The following TBC1D5 variants were observed in gnomAD, a reference collection of about 807,000 sequenced individuals.
TBC1D5 encodes the protein TBC1 domain family member 5, also known as TBC1 domain family, member 5.
Under a neutral mutation model 100.3 loss-of-function variants are expected in TBC1D5, and 75 were observed. The observed-to-expected ratio is 0.75, with a 90% CI of 0.62 to 0.91. The LOEUF (loss-of-function observed/expected upper bound fraction) is 0.91, where lower values mean the gene tolerates loss of function less well. Among genes scored for constraint, TBC1D5 ranks in the 40% least tolerant of loss-of-function variants. The pLI, the probability that TBC1D5 is intolerant of heterozygous loss-of-function variation, is 0.00. For synonymous variants in TBC1D5, 323 were observed against 325.6 expected (o/e 0.99, Z 0.09); for missense variants, 910 against 942.4 (o/e 0.97, Z 0.45).
intron 2 of TBC1D5, among the ~76,000 whole-genome samples, chr3:17,548,458 A>G (rs1040085331): frequency 1.3e-5 from 2 of 152,214 alleles, no homozygotes; most frequent in African/African-American, 4.8e-5. Context: ...TTTGTATTAT[A>G]AAAGGAAAAA....
chr3:17,693,669 G>C (rs1258131224), intron 1 of TBC1D5, among the ~76,000 whole-genome samples: 2 of 152,236 alleles, frequency 1.3e-5, no homozygotes, highest in Non-Finnish European at 2.9e-5. Context: ...CTGGACAAAA[G>C]GCAGCAGACA....
chr3:17,504,464 T>A (rs1576402065), intron 3 of TBC1D5, among the ~76,000 whole-genome samples: 4 of 151,484 alleles, frequency 2.6e-5, no homozygotes, highest in Admixed American at 2.0e-4. Context: ...AAATAAAAAT[T>A]AAAAAAAAGG....
intron 15 of TBC1D5, among the ~76,000 whole-genome samples, chr3:17,281,683 A>G (rs1217747409): frequency 6.6e-6 from 1 of 152,250 alleles, no homozygotes; most frequent in Non-Finnish European, 1.5e-5. Context: ...GAGAGGGGAC[A>G]GATAAAATGT....
At chr3:17,209,101 T>G (rs1458297027) in intron 18 of TBC1D5, among the ~76,000 whole-genome samples, 6 of 152,196 alleles carry the variant, frequency 3.9e-5, no homozygotes, top group Non-Finnish European at 8.8e-5. Context: ...TTTTAAATTC[T>G]TTTACCCATT....
intron 17 of TBC1D5, among the ~76,000 whole-genome samples, chr3:17,217,747 C>T (rs898129917): frequency 6.6e-6 from 1 of 152,036 alleles, no homozygotes; most frequent in Admixed American, 6.6e-5. Flanking sequence ...AAGTGCTCTT[C>T]ATATGTTCTG....
intron 4 of TBC1D5, among the ~76,000 whole-genome samples, chr3:17,425,301 A>C (rs1462287896): frequency 6.6e-6 from 1 of 152,228 alleles, no homozygotes; most frequent in Non-Finnish European, 1.5e-5. Flanking sequence ...TGGAATCAGG[A>C]TCTGAACCAG....
At chr3:17,448,808 T>A (rs958524448) in intron 3 of TBC1D5, among the ~76,000 whole-genome samples, 1 of 152,060 alleles carries the variant, frequency 6.6e-6, no homozygotes, top group Non-Finnish European at 1.5e-5. Flanking sequence ...GGCCCTAGGA[T>A]CCTCAAAATT....
At chr3:17,281,005 C>A (rs1209413190) in intron 15 of TBC1D5, among the ~76,000 whole-genome samples, 1 of 152,210 alleles carries the variant, frequency 6.6e-6, no homozygotes, top group Non-Finnish European at 1.5e-5. Context: ...TGCTCCCTCC[C>A]GCAAGGGGTT....
At chr3:17,702,124 G>T (rs1158189172) in intron 1 of TBC1D5, 2 of 152,048 alleles carry the variant, frequency 1.3e-5, no homozygotes, top group Non-Finnish European at 2.9e-5. Context: ...AAACAAACAG[G>T]ATTCCAATTT....
At chr3:17,651,964 G>A (rs1331054529) in intron 1 of TBC1D5, among the ~76,000 whole-genome samples, 1 of 152,080 alleles carries the variant, frequency 6.6e-6, no homozygotes, top group Non-Finnish European at 1.5e-5. Flanking sequence ...CAGAGCTTCT[G>A]ACCACATAAG....
chr3:17,374,129 T>C (rs2092599776), intron 12 of TBC1D5, among the ~76,000 whole-genome samples: 1 of 152,078 alleles, frequency 6.6e-6, no homozygotes, highest in African/African-American at 2.4e-5. Context: ...ACAACCTATT[T>C]GACACAGATT....
intron 13 of TBC1D5, among the ~76,000 whole-genome samples, chr3:17,344,608 A>T (rs1490234027): frequency 6.6e-6 from 1 of 152,238 alleles, no homozygotes; most frequent in Non-Finnish European, 1.5e-5. Context: ...CGCATCGCCA[A>T]GTCAATCCTA....
chr3:17,350,810 G>C (rs1446245403), intron 13 of TBC1D5, among the ~76,000 whole-genome samples: 8 of 151,994 alleles, frequency 5.3e-5, no homozygotes, highest in Admixed American at 3.3e-4. Flanking sequence ...TTTTAATTTT[G>C]CTTGGAATAA....
At chr3:17,715,192 G>GA (rs2075119406) in intron 1 of TBC1D5, among the ~76,000 whole-genome samples, 1 of 152,088 alleles carries the variant, frequency 6.6e-6, no homozygotes, top group Non-Finnish European at 1.5e-5. Flanking sequence ...TTACACTAGG[G>GA]AATACTGGGC....
intron 1 of TBC1D5, among the ~76,000 whole-genome samples, chr3:17,665,867 A>G: frequency 6.6e-6 from 1 of 152,172 alleles, no homozygotes; most frequent in East Asian, 1.9e-4. Flanking sequence ...TTTTCTTTAA[A>G]GCTTGGACAC....
intron 2 of TBC1D5, among the ~76,000 whole-genome samples, chr3:17,511,539 A>AT (rs1274219036): frequency 6.6e-6 from 1 of 152,006 alleles, no homozygotes; most frequent in Non-Finnish European, 1.5e-5. Context: ...TAAAAGGAGT[A>AT]TTTTTTAAAC....
intron 3 of TBC1D5, among the ~76,000 whole-genome samples, chr3:17,456,844 A>C (rs4579004): frequency 0.023 from 3,443 of 152,356 alleles, 123 homozygotes; most frequent in African/African-American, 0.077. Flanking sequence ...ACATGCTATA[A>C]AATGGTTGAA....
chr3:17,376,478 G>C (rs766578435), intron 10 of TBC1D5, 47 bp downstream of exon 10: 4 of 1,526,802 alleles, frequency 2.6e-6, no homozygotes, highest in Non-Finnish European at 3.6e-6. Flanking sequence ...AAAGGTTACC[G>C]TGGGGGCTAA....
At chr3:17,514,551 A>G (rs1463980134) in intron 2 of TBC1D5, among the ~76,000 whole-genome samples, 1 of 152,226 alleles carries the variant, frequency 6.6e-6, no homozygotes, top group Non-Finnish European at 1.5e-5. Flanking sequence ...TGTTTAGGGC[A>G]AACAATTCAC....
Sources: allele counts gnomAD v4.1 joint callset (sites outside exome capture counted in the v4.1 genomes callset), GRCh38; gene constraint gnomAD v4.1.1; transcripts MANE v1.5; gene names NCBI Gene and HGNC (gene_info 2026-07-23, HGNC 2026-07-21).